NFX1: variants seen among roughly 807,000 people sequenced by gnomAD.
NFX1 encodes the protein transcriptional repressor NF-X1.
In NFX1, 69 loss-of-function variants were observed where a neutral mutation model predicts 137.2. The ratio of observed to expected loss-of-function variants is 0.50; its 90% CI spans 0.41 to 0.61. NFX1 has a LOEUF of 0.61. Ranked by LOEUF, NFX1 falls within the 20% of genes least tolerant of loss-of-function variation. The pLI, the probability that NFX1 is intolerant of heterozygous loss-of-function variation, is 0.00. For missense variants in NFX1, 1,167 were observed against 1,391.0 expected (o/e 0.84, Z 2.56); for synonymous variants, 495 against 474.1 (o/e 1.04, Z -0.57).
chr9:33,354,859 G>A lies in NFX1; in HGVS notation c.2840G>A (p.Cys947Tyr), dbSNP rs1823759597. The change falls in exon 19 of 24, where the codon TGT (cysteine) becomes TAT (tyrosine). Residue 947 changes from cysteine (C) to tyrosine (Y), a missense_variant. By Grantham distance (194) the Cys-to-Tyr change is radical. Transcript: ENST00000379540. ...TTCATTTGCTTATCAAGGCTGGAGTGTGATGAGGAGTGTTCAGCCTTGGAA... is the reference window on the plus strand; with the variant it reads ...TTCATTTGCTTATCAAGGCTGGAGTATGATGAGGAGTGTTCAGCCTTGGAA... ...KKEVHQARLE[C>Y]DEECSALERK... 2 of 1,613,860 alleles carry A rather than the reference G, an allele frequency of 1.2e-6. No individual in the cohort carries two copies. The highest frequency in any genetic ancestry group is 1.3e-5 in the African/African-American group (1 of 74,988).
intron 10 of NFX1, 72 bp from the exon 11 acceptor site, chr9:33,332,400 T>C (rs1822839961): frequency 2.9e-6 from 4 of 1,384,188 alleles, no homozygotes; most frequent in Admixed American, 1.9e-5. Context: ...TTGTTACCTA[T>C]GGCATTATAT....
intron 15 of NFX1, chr9:33,348,587 A>C (rs554243027): frequency 5.6e-6 from 1 of 177,642 alleles, no homozygotes; most frequent in South Asian, 1.9e-4. Flanking sequence ...AATTACCAAA[A>C]TGTGATGCAG....
chr9:33,369,665 A>G (rs1476157639), intron 23 of NFX1, among the ~76,000 whole-genome samples: 2 of 152,220 alleles, frequency 1.3e-5, no homozygotes, highest in African/African-American at 4.8e-5. Context: ...TAAAGTGTAA[A>G]TAGAGAATTT....
chr9:33,352,839 A>AT, intron 17 of NFX1, 120 bp downstream of exon 17: 2 of 731,286 alleles, frequency 2.7e-6, no homozygotes, highest in South Asian at 3.2e-5. Flanking sequence ...GAAGTCTGTA[A>AT]CTGTTGTAAT....
In NFX1 at chr9:33,295,322, G is replaced by C; in HGVS notation, c.928G>C (p.Val310Leu). The C allele has an allele frequency of 6.2e-7, 1 of 1,614,154 alleles. No homozygotes were observed. The highest frequency in any genetic ancestry group is 1.1e-5 in the South Asian group (1 of 91,076). ...AGTCATCAACAAGTCTTCCAGGAGG[G>C]TTGACCAAGAGAAATGCACTGTACG... ...LAVINKSSRRVDQEKCTVRRQ... is the reference protein window; with the variant it reads ...LAVINKSSRRLDQEKCTVRRQ... The change falls in exon 2 of 24, where the codon GTT (valine) becomes CTT (leucine). Residue 310 changes from valine (V) to leucine (L), a missense_variant. By Grantham distance (32) the Val-to-Leu change is conservative. Coordinates refer to ENST00000379540, the MANE Select transcript of NFX1 (RefSeq NM_002504.6).
intron 12 of NFX1, among the ~76,000 whole-genome samples, chr9:33,338,864 C>G (rs1823111965): frequency 6.6e-6 from 1 of 152,072 alleles, no homozygotes; most frequent in Non-Finnish European, 1.5e-5. Context: ...CCCCAGAGCC[C>G]AAGACCCCTA....
intron 15 of NFX1, 145 bp downstream of exon 15, chr9:33,347,262 T>C: frequency 1.6e-6 from 1 of 621,816 alleles, no homozygotes; most frequent in South Asian, 2.1e-5. Context: ...TCTTAAGATA[T>C]AATTTGCATA....
intron 7 of NFX1, among the ~76,000 whole-genome samples, chr9:33,316,487 A>G (rs1587834213): frequency 1.3e-5 from 2 of 152,016 alleles, no homozygotes; most frequent in Admixed American, 6.6e-5. Context: ...TCTTTTTTGT[A>G]CAAATTTCTG....
At chr9:33,290,690 G>C (rs4879682) in intron 1 of NFX1, 93 bp downstream of exon 1, 937,483 of 1,278,520 alleles carry the variant, frequency 0.73, 356,940 homozygotes, top group Non-Finnish European at 0.78. Flanking sequence ...CTCATATCGC[G>C]AGAGTAGCAC....
At chr9:33,307,034 A>G (rs959532969) in intron 4 of NFX1, among the ~76,000 whole-genome samples, 160 bp from the exon 5 acceptor site, 1 of 152,206 alleles carries the variant, frequency 6.6e-6, no homozygotes, top group Non-Finnish European at 1.5e-5. Flanking sequence ...GAATAGCATT[A>G]TATTTATCTT....
intron 3 of NFX1, among the ~76,000 whole-genome samples, chr9:33,302,205 G>T (rs1438504302): frequency 6.6e-6 from 1 of 152,036 alleles, no homozygotes; most frequent in Non-Finnish European, 1.5e-5. Context: ...AGGGTAATTG[G>T]CATATGGGGA....
At chr9:33,354,058 C>A (rs892368673) in intron 17 of NFX1, 28 bp from the exon 18 acceptor site, 2 of 1,562,036 alleles carry the variant, frequency 1.3e-6, no homozygotes, top group Non-Finnish European at 1.7e-6. Flanking sequence ...TGCAATGCCT[C>A]TTTTTCCCTT....
intron 7 of NFX1, among the ~76,000 whole-genome samples, chr9:33,314,485 T>A (rs1822081888): frequency 6.6e-6 from 1 of 151,674 alleles, no homozygotes; most frequent in Admixed American, 6.6e-5. Flanking sequence ...GAGACCAGCC[T>A]GGCCAGCATG....
At chr9:33,366,261 A>T (rs551648503) in intron 21 of NFX1, among the ~76,000 whole-genome samples, 1 of 152,314 alleles carries the variant, frequency 6.6e-6, no homozygotes, top group South Asian at 2.1e-4. Flanking sequence ...CATACTTTTA[A>T]AGGAAATAAT....
intron 16 of NFX1, 80 bp from the exon 17 acceptor site, chr9:33,352,564 AAG>A: frequency 8.3e-7 from 1 of 1,208,462 alleles, no homozygotes; most frequent in Non-Finnish European, 1.2e-6. Flanking sequence ...GCTATGGTTT[AAG>A]AGAGGATTTA....
chr9:33,308,197 G>A (rs755255485), intron 5 of NFX1, among the ~76,000 whole-genome samples: 2 of 152,084 alleles, frequency 1.3e-5, no homozygotes, highest in African/African-American at 4.8e-5. Flanking sequence ...ATCCCAACAC[G>A]TTGGGAAGCC....
At chr9:33,298,907 T>G (rs1057461791) in intron 2 of NFX1, among the ~76,000 whole-genome samples, 2 of 152,134 alleles carry the variant, frequency 1.3e-5, no homozygotes, top group Admixed American at 6.6e-5. Flanking sequence ...GGAGTAATAG[T>G]GTGGAAAAGG....
At chr9:33,362,121 C>CAA (rs1365074653) in intron 19 of NFX1, among the ~76,000 whole-genome samples, 4 of 65,668 alleles carry the variant, frequency 6.1e-5, no homozygotes, top group Non-Finnish European at 9.7e-5. Flanking sequence ...GACCCAGCCT[C>CAA]AAAAAAAAAA....
chr9:33,328,494 G>T, intron 9 of NFX1, 87 bp from the exon 10 acceptor site: 2 of 891,218 alleles, frequency 2.2e-6, no homozygotes, highest in Admixed American at 3.6e-5. Context: ...GGGCATGGAG[G>T]GGAAGACCAG....
Sources: gnomAD v4.1 joint callset for allele counts (sites outside exome capture counted in the v4.1 genomes callset) on GRCh38, gnomAD v4.1.1 for gene constraint, MANE v1.5 for transcripts, NCBI Gene and HGNC (gene_info 2026-07-23, HGNC 2026-07-21) for gene names.